The following YME1L1 variants were observed in gnomAD, a reference collection of about 807,000 sequenced individuals.
YME1L1 encodes ATP-dependent zinc metalloprotease YME1L1.
Under a neutral mutation model 90.4 loss-of-function variants are expected in YME1L1, and 39 were observed. That is an observed-to-expected ratio of 0.43 (90% CI 0.33 to 0.56). The LOEUF (loss-of-function observed/expected upper bound fraction) is 0.56, where lower values mean the gene tolerates loss of function less well. Among genes scored for constraint, YME1L1 ranks in the 20% least tolerant of loss-of-function variants. YME1L1 has a pLI of 0.03. For synonymous variants in YME1L1, 284 were observed against 287.3 expected (o/e 0.99, Z 0.12); for missense variants, 617 against 868.4 (o/e 0.71, Z 3.64).
At chr10:27,115,956 G>A (rs772295772) in intron 17 of YME1L1, 104 bp downstream of exon 17, 8 of 1,013,706 alleles carry the variant, frequency 7.9e-6, no homozygotes, top group African/African-American at 1.6e-5. Flanking sequence ...TCCATTTGGA[G>A]TGAGAGAAAA....
chr10:27,134,298 T>C lies in YME1L1; in HGVS notation c.692-176A>G, dbSNP rs577612259. ...CTGTAAGTACCCTATTATCAAAAAC[T>C]TAAGGCCAAGCATGGTGGCTCATGC... On this transcript the variant is annotated intron_variant, in intron 6 of 18. Transcript: ENST00000376016. 3.3e-5 allele frequency among the ~76,000 whole-genome samples: 5 copies of C among 152,316 alleles called. No individual in the cohort carries two copies. The South Asian group carries it at 1.0e-3, about 32-fold the overall frequency.
In YME1L1 at chr10:27,137,945, C is replaced by T. The variant is rs542022715; in HGVS notation, c.431-1560G>A. ...CTTTGCTGTGTTTTCTGCATTTTAA[C>T]TTGATTAGAGTTTCATTGCCAAACT... On this transcript the variant is annotated intron_variant, in intron 4 of 18. Coordinates refer to ENST00000376016, the MANE Select transcript of YME1L1 (RefSeq NM_014263.4). Among the ~76,000 whole-genome samples the T allele has an allele frequency of 7.9e-5, 12 of 152,156 alleles. No individual in the cohort carries two copies. The South Asian group carries it at 2.5e-3, about 32-fold the overall frequency.
At chr10:27,144,154 G>C (rs113932124) in intron 3 of YME1L1, among the ~76,000 whole-genome samples, 1 of 152,284 alleles carries the variant, frequency 6.6e-6, no homozygotes, top group African/African-American at 2.4e-5. Flanking sequence ...ACAATCTTAA[G>C]AGTAAATGTA....
In YME1L1 at chr10:27,145,301, C is replaced by A. The variant is rs117799729; in HGVS notation, c.331+127G>T. On this transcript the variant is annotated intron_variant, in intron 3 of 18. Coordinates refer to ENST00000376016, the MANE Select transcript of YME1L1 (RefSeq NM_014263.4). ...ATATGAAAAATTGCAAAAAAAAAAA[C>A]AAAAAAAAAACACTTCAGGAAAGAA... 58,358 of 506,348 alleles carry A rather than the reference C, an allele frequency of 0.12. 3,511 individuals carry two copies. The highest frequency in any genetic ancestry group is 0.46 in the East Asian group (10,967 of 23,602). 31.4% of individuals were successfully genotyped at this position (506,348 alleles called of 1,614,324 possible).
intron 3 of YME1L1, 90 bp from the exon 4 acceptor site, chr10:27,142,575 G>T (rs2057100350): frequency 1.8e-6 from 1 of 546,174 alleles, no homozygotes; most frequent in South Asian, 5.3e-5. Flanking sequence ...TCAAATATTA[G>T]GGAAATCACA....
At chr10:27,146,485 A>C (rs1362164394) in intron 2 of YME1L1, 3 of 152,234 alleles carry the variant, frequency 2.0e-5, no homozygotes, top group African/African-American at 7.2e-5. Flanking sequence ...TGTTACTCAA[A>C]CCCAAAACAG....
At position 27,154,302 on chromosome 10, in the gene YME1L1, C is replaced by A; in HGVS notation, c.-92G>T. The A allele has an allele frequency of 6.8e-7, 1 of 1,472,034 alleles. No individual in the cohort carries two copies. Among genetic ancestry groups the A allele is most frequent in the Non-Finnish European group, 9.2e-7 (1 of 1,089,660 alleles). The allele number at this position is 1,472,034 out of a possible 1,614,324, so 91.2% of individuals were successfully genotyped here. On this transcript the variant is annotated 5_prime_UTR_variant, in exon 1 of 19. Coordinates refer to ENST00000376016, the MANE Select transcript of YME1L1 (RefSeq NM_014263.4). The stretch of plus-strand genomic sequence containing the variant: ...GGGAGGCGCTGAGCCCTTCTTTTTT[C>A]CTTTTTCTCCGACCCGTTGCCCCTC...
Position 27,148,962 on chromosome 10 carries a change from CTG to C in YME1L1, c.110_111del (p.Ser37CysfsTer12). 6.2e-7 allele frequency: 1 copy of C among 1,614,064 alleles called. No individual in the cohort carries two copies. The highest frequency in any genetic ancestry group is 1.1e-5 in the South Asian group (1 of 91,074). ...ACATCTCGATGCTGGTTTTGAGAAACTGACACTCCACTGAGAGAAACAGAAGT... is the reference window on the plus strand; with the variant it reads ...ACATCTCGATGCTGGTTTTGAGAAACACACTCCACTGAGAGAAACAGAAGT... The part of the protein sequence containing the change: ...KNTSVSLSGV[S>X]VSQNQHRDVV... On this transcript the variant is annotated frameshift_variant, in exon 2 of 19. Coordinates refer to ENST00000376016, the MANE Select transcript of YME1L1 (RefSeq NM_014263.4). LOFTEE classifies it high-confidence loss of function.
chr10:27,143,199 GTC>G (rs1564467143), intron 3 of YME1L1, among the ~76,000 whole-genome samples: 1 of 150,940 alleles, frequency 6.6e-6, no homozygotes, highest in African/African-American at 2.4e-5. Context: ...GAGAAACCCC[GTC>G]TCTACTAAAA....
At chr10:27,141,344 C>T (rs192962988) in intron 4 of YME1L1, among the ~76,000 whole-genome samples, 1 of 152,266 alleles carries the variant, frequency 6.6e-6, no homozygotes, top group Admixed American at 6.5e-5. Context: ...GCACTCCAGC[C>T]TGGGTCACAA....
rs142193392 is a variant in YME1L1 at position 27,150,258 on chromosome 10, C to G, written c.34-1218G>C. 2.1e-3 allele frequency among the ~76,000 whole-genome samples: 327 copies of G among 152,108 alleles called. 3 individuals are homozygous for G. The highest frequency in any genetic ancestry group is 7.5e-3 in the African/African-American group (311 of 41,494). On this transcript the variant is annotated intron_variant, in intron 1 of 18. Coordinates refer to ENST00000376016, the MANE Select transcript of YME1L1 (RefSeq NM_014263.4). ...AGTAAATGAATACATTAAATGGGTTCTTATTATATACCAGGTTTAGTACTA... is the reference window on the plus strand; with the variant it reads ...AGTAAATGAATACATTAAATGGGTTGTTATTATATACCAGGTTTAGTACTA...
chr10:27,129,529 G>C (rs547501709), intron 8 of YME1L1, among the ~76,000 whole-genome samples: 18 of 152,182 alleles, frequency 1.2e-4, no homozygotes, highest in Non-Finnish European at 2.4e-4. Context: ...AGAGTTGGAA[G>C]AGTCCTCAGA....
intron 3 of YME1L1, among the ~76,000 whole-genome samples, chr10:27,144,690 TA>T (rs1412211287): frequency 6.6e-6 from 1 of 152,200 alleles, no homozygotes; most frequent in Non-Finnish European, 1.5e-5. Context: ...GTGTGTCACC[TA>T]AAATTAAAAC....
chr10:27,124,122 G>A (rs2056894211), intron 9 of YME1L1, among the ~76,000 whole-genome samples: 1 of 152,146 alleles, frequency 6.6e-6, no homozygotes, highest in South Asian at 2.1e-4. Context: ...AAGACTGAGA[G>A]TACATGATAT....
chr10:27,116,840 C>T (rs908157918), intron 15 of YME1L1, among the ~76,000 whole-genome samples: 9 of 151,690 alleles, frequency 5.9e-5, no homozygotes, highest in African/African-American at 2.2e-4. Flanking sequence ...GTAGACTGGG[C>T]AACATCGCGA....
At chr10:27,126,344 G>A (rs115996709) in intron 9 of YME1L1, among the ~76,000 whole-genome samples, 171 of 152,098 alleles carry the variant, frequency 1.1e-3, no homozygotes, top group African/African-American at 4.0e-3. Flanking sequence ...TGGGAGGGCC[G>A]CCTGAACTCG....
intron 3 of YME1L1, among the ~76,000 whole-genome samples, chr10:27,145,085 G>A (rs950860789): frequency 3.9e-5 from 6 of 152,190 alleles, no homozygotes; most frequent in Non-Finnish European, 8.8e-5. Context: ...AGCTTGCAGT[G>A]AGCGGAGATT....
chr10:27,149,355 C>G (rs7067696), intron 1 of YME1L1, among the ~76,000 whole-genome samples: 69 of 152,044 alleles, frequency 4.5e-4, no homozygotes, highest in African/African-American at 1.5e-3. Context: ...CAACTCTCAT[C>G]GAAACATTTA....
At chr10:27,114,997 A>C (rs1218677102) in intron 17 of YME1L1, among the ~76,000 whole-genome samples, 2 of 152,196 alleles carry the variant, frequency 1.3e-5, no homozygotes, top group African/African-American at 2.4e-5. Flanking sequence ...ACTGCACTCC[A>C]GCCTAGGTGA....
Sources: allele counts gnomAD v4.1 joint callset (sites outside exome capture counted in the v4.1 genomes callset), GRCh38; gene constraint gnomAD v4.1.1; transcripts MANE v1.5; gene names NCBI Gene and HGNC (gene_info 2026-07-23, HGNC 2026-07-21).